Variants in NR3C2 observed in about 807,000 individuals in gnomAD.
NR3C2 encodes mineralocorticoid receptor.
NR3C2 carries 15 observed loss-of-function variants against 86.4 expected under a neutral mutation model. The observed-to-expected ratio is 0.17, with a 90% CI of 0.12 to 0.27. NR3C2 has a LOEUF of 0.27. Ranked by LOEUF, NR3C2 falls within the 10% of genes least tolerant of loss-of-function variation. The pLI is 1.00. For synonymous variants in NR3C2, 458 were observed against 450.5 expected, an observed-to-expected ratio of 1.02 and a Z score of -0.21; for missense variants, 960 against 1,195.6, an observed-to-expected ratio of 0.80 and a Z score of 2.91.
intron 2 of NR3C2, among the ~76,000 whole-genome samples, chr4:148,424,016 C>T (rs1160209846): frequency 6.6e-6 from 1 of 152,140 alleles, no homozygotes; most frequent in African/African-American, 2.4e-5. Flanking sequence ...CCCAGCCTAC[C>T]AATACAGAAT....
chr4:148,410,693 G>T (rs145592304), intron 2 of NR3C2, among the ~76,000 whole-genome samples: 1 of 152,148 alleles, frequency 6.6e-6, no homozygotes, highest in African/African-American at 2.4e-5. Context: ...TTACCTATCC[G>T]CAAGTTAACA....
intron 3 of NR3C2, among the ~76,000 whole-genome samples, chr4:148,197,555 C>T (rs908084998): frequency 1.3e-5 from 2 of 152,132 alleles, no homozygotes; most frequent in African/African-American, 2.4e-5. Flanking sequence ...AAAATGGCCA[C>T]TGTCTTATGA....
chr4:148,392,651 G>C (rs1183688370), intron 2 of NR3C2, among the ~76,000 whole-genome samples: 1 of 152,094 alleles, frequency 6.6e-6, no homozygotes, highest in African/African-American at 2.4e-5. Flanking sequence ...TGAGAAGGCA[G>C]GTCAAGGAAA....
At chr4:148,169,383 C>A (rs1353441858) in intron 4 of NR3C2, among the ~76,000 whole-genome samples, 1 of 151,878 alleles carries the variant, frequency 6.6e-6, no homozygotes, top group East Asian at 1.9e-4. Context: ...TTCTGAGAAA[C>A]ACATATGATA....
intron 3 of NR3C2, among the ~76,000 whole-genome samples, chr4:148,229,235 C>T (rs574936999): frequency 3.9e-5 from 6 of 152,264 alleles, no homozygotes; most frequent in African/African-American, 9.6e-5. Context: ...CCGAAATTCA[C>T]GCCTTAGGCA....
chr4:148,104,707 G>A (rs1731715673), intron 8 of NR3C2, among the ~76,000 whole-genome samples: 1 of 152,182 alleles, frequency 6.6e-6, no homozygotes, highest in Non-Finnish European at 1.5e-5. Context: ...TGCCTGTTAT[G>A]TGGTAGATGT....
At position 148,082,195 on chromosome 4, in the gene NR3C2, C is replaced by T. The variant is rs112373365; in HGVS notation, c.2800-696G>A. On this transcript the variant is annotated intron_variant, in intron 8 of 8. Transcript: ENST00000358102. ...GTGTCCCCCTAGCTCATTTTCCCTA[C>T]TCTGTGAACCAAGAACTTTTCTCAG... Among the ~76,000 whole-genome samples the T allele has an allele frequency of 3.0e-4, 46 of 152,332 alleles. 1 individual carries two copies. The highest frequency in any genetic ancestry group is 3.4e-3 in the Middle Eastern group (1 of 294).
At chr4:148,230,488 C>A (rs900988814) in intron 3 of NR3C2, among the ~76,000 whole-genome samples, 3 of 152,154 alleles carry the variant, frequency 2.0e-5, no homozygotes, top group African/African-American at 7.2e-5. Flanking sequence ...TGAGCCACCA[C>A]ACGTGGCAAG....
At chr4:148,362,750 T>C (rs1745902352) in intron 2 of NR3C2, among the ~76,000 whole-genome samples, 1 of 152,052 alleles carries the variant, frequency 6.6e-6, no homozygotes, top group South Asian at 2.1e-4. Context: ...ACAATTGTAA[T>C]AACTGCTGTG....
intron 2 of NR3C2, among the ~76,000 whole-genome samples, chr4:148,327,727 T>C (rs565433318): frequency 2.0e-5 from 3 of 152,296 alleles, no homozygotes; most frequent in South Asian, 2.1e-4. Flanking sequence ...TTGCTAGTGG[T>C]TGACATATTA....
intron 4 of NR3C2, among the ~76,000 whole-genome samples, chr4:148,170,115 A>T (rs973056226): frequency 1.3e-5 from 2 of 152,156 alleles, no homozygotes; most frequent in Admixed American, 1.3e-4. Flanking sequence ...TGTGTATTGT[A>T]CAGTGTTAGC....
intron 8 of NR3C2, among the ~76,000 whole-genome samples, chr4:148,113,771 G>T (rs1274604587): frequency 6.6e-6 from 1 of 152,204 alleles, no homozygotes; most frequent in Non-Finnish European, 1.5e-5. Context: ...TCTTTGGAAT[G>T]CAGGTCGTCC....
At chr4:148,091,575 A>C (rs982617296) in intron 8 of NR3C2, among the ~76,000 whole-genome samples, 3 of 152,230 alleles carry the variant, frequency 2.0e-5, no homozygotes, top group African/African-American at 7.2e-5. Context: ...ACCAGCCAGA[A>C]TAGATACTGG....
At chr4:148,230,780 G>A (rs985107300) in intron 3 of NR3C2, among the ~76,000 whole-genome samples, 2 of 152,182 alleles carry the variant, frequency 1.3e-5, no homozygotes, top group Admixed American at 1.3e-4. Flanking sequence ...GGAAGTTCAA[G>A]TTTCACACAC....
At chr4:148,216,861 G>A (rs1185054577) in intron 3 of NR3C2, among the ~76,000 whole-genome samples, 1 of 152,064 alleles carries the variant, frequency 6.6e-6, no homozygotes, top group African/African-American at 2.4e-5. Flanking sequence ...ACAACCAGAG[G>A]TACGGTCTCC....
chr4:148,419,587 G>C (rs181819003), intron 2 of NR3C2, among the ~76,000 whole-genome samples: 1 of 152,242 alleles, frequency 6.6e-6, no homozygotes, highest in Admixed American at 6.5e-5. Flanking sequence ...TTATTCGTGG[G>C]ACCAATTTAA....
chr4:148,131,739 A>T (rs999055572), intron 6 of NR3C2, among the ~76,000 whole-genome samples: 2 of 152,240 alleles, frequency 1.3e-5, no homozygotes, highest in African/African-American at 4.8e-5. Flanking sequence ...TGGTCTCCAC[A>T]ACATTCATCC....
chr4:148,163,560 C>T (rs549240781), intron 4 of NR3C2, among the ~76,000 whole-genome samples: 2 of 152,102 alleles, frequency 1.3e-5, no homozygotes, highest in Non-Finnish European at 2.9e-5. Flanking sequence ...AAACACCTAA[C>T]GTCCTCTGTG....
At chr4:148,278,903 C>T (rs1436724257) in intron 2 of NR3C2, among the ~76,000 whole-genome samples, 1 of 152,042 alleles carries the variant, frequency 6.6e-6, no homozygotes, top group Admixed American at 6.6e-5. Flanking sequence ...TGGCTCATAC[C>T]TGTAATCCCA....
Sources: gnomAD v4.1 joint callset for allele counts (sites outside exome capture counted in the v4.1 genomes callset) on GRCh38, gnomAD v4.1.1 for gene constraint, MANE v1.5 for transcripts, NCBI Gene and HGNC (gene_info 2026-07-23, HGNC 2026-07-21) for gene names.